KLHL36: variants seen among roughly 807,000 people sequenced by gnomAD.
KLHL36 encodes kelch like family member 36.
Under a neutral mutation model 53.3 loss-of-function variants are expected in KLHL36, and 35 were observed. The ratio of observed to expected loss-of-function variants is 0.66; its 90% CI spans 0.50 to 0.87. The LOEUF is 0.87. Among genes scored for constraint, KLHL36 ranks in the 40% least tolerant of loss-of-function variants. The pLI is 0.00. For missense variants in KLHL36, 864 were observed against 897.6 expected (o/e 0.96, Z 0.48); for synonymous variants, 472 against 398.9 (o/e 1.18, Z -2.18).
rs970650855 is a variant in KLHL36 at position 84,648,732 on chromosome 16, G to C, written c.-17+83G>C. On this transcript the variant is annotated intron_variant, in intron 1 of 4. Coordinates refer to ENST00000564996, the MANE Select transcript of KLHL36 (RefSeq NM_024731.4). This position sits in a 1 kb window ranked among gnomAD's most constrained non-coding sequence, Gnocchi z 4.9. ...CCGGGGCGGGGAGCTGGCGGAGATC[G>C]GGAGGGTCCCCGGCCACCGCGAGCC... The C allele has an allele frequency of 2.7e-5, 4 of 147,856 alleles. No homozygotes were observed. Among genetic ancestry groups the C allele is most frequent in the African/African-American group, 9.8e-5 (4 of 40,948 alleles). The allele number at this position is 147,856 out of a possible 1,614,324, so 9.2% of individuals were successfully genotyped here. A position where few individuals can be genotyped will look rare whatever the true frequency, so the allele number is the denominator to read the frequency against.
chr16:84,659,981 A>G, intron 4 of KLHL36, 64 bp downstream of exon 4: 2 of 1,461,878 alleles, frequency 1.4e-6, no homozygotes, highest in Middle Eastern at 1.8e-4. Flanking sequence ...AGTTCAGTCC[A>G]CGTGCCTCAC....
In KLHL36 at chr16:84,661,902, C is replaced by G. The variant is rs1907577551; in HGVS notation, c.1620C>G (p.Gly540=). ...APLLHANSES[G]VAVWEGRIYI... ...TGCTGCACGCCAACAGCGAGTCGGG[C>G]GTGGCAGTGTGGGAGGGCCGCATCT... Residue 540 remains glycine (G), a synonymous_variant, in exon 5 of 5, where the codon GGC becomes GGG. Coordinates refer to ENST00000564996, the MANE Select transcript of KLHL36 (RefSeq NM_024731.4). The surrounding 1 kb of genome is among the most constrained non-coding windows in gnomAD (Gnocchi z 7.9). 1 of 1,599,352 alleles carries G rather than the reference C, an allele frequency of 6.3e-7. No homozygotes were observed. Among genetic ancestry groups the G allele is most frequent in the African/African-American group, 1.3e-5 (1 of 74,680 alleles).
At chr16:84,653,666 C>A (rs930967587) in intron 2 of KLHL36, among the ~76,000 whole-genome samples, 3 of 152,032 alleles carry the variant, frequency 2.0e-5, no homozygotes, top group African/African-American at 4.8e-5. Context: ...AATGGCAAAA[C>A]CCTGTCTCTA....
rs981025448 is a variant in KLHL36 at position 84,663,520 on chromosome 16, G to A, written c.*1387G>A. ...AGCATGAGCCAAGGAAGGCATGAAT[G>A]AGCTGTACCTCACCCAGCATCCGAT... On this transcript the variant is annotated 3_prime_UTR_variant, in exon 5 of 5. Transcript: ENST00000564996. 2.6e-5 allele frequency: 4 copies of A among 151,910 alleles called. No homozygotes were observed. The highest frequency in any genetic ancestry group is 9.7e-5 in the African/African-American group (4 of 41,334). 9.4% of individuals were successfully genotyped at this position (151,910 alleles called of 1,614,324 possible).
rs12928590 is a variant in KLHL36, at chr16:84,661,884, C to A, written c.1602C>A (p.His534Gln). 3.8e-6 allele frequency: 6 copies of A among 1,599,174 alleles called. No individual in the cohort carries two copies. In the South Asian group the frequency reaches 4.4e-5, roughly 12 times the overall value. ...GGACCCGCGTGGCGCCGCTGCTGCA[C>A]GCCAACAGCGAGTCGGGCGTGGCAG... ...NQWTRVAPLL[H>Q]ANSESGVAVW... The change falls in exon 5 of 5, where the codon CAC (histidine) becomes CAA (glutamine). Residue 534 changes from histidine (H) to glutamine (Q), a missense_variant. Physicochemically the swap from His to Gln is conservative, Grantham distance 24. Coordinates refer to ENST00000564996, the MANE Select transcript of KLHL36 (RefSeq NM_024731.4). This position sits in a 1 kb window ranked among gnomAD's most constrained non-coding sequence, Gnocchi z 7.9.
At chr16:84,649,122 C>T (rs906284988) in intron 1 of KLHL36, 3 of 152,394 alleles carry the variant, frequency 2.0e-5, no homozygotes, top group African/African-American at 7.2e-5. Flanking sequence ...CGGACGGGGC[C>T]TGCGGTCCCA....
At position 84,667,074 on chromosome 16, in the gene KLHL36, A is replaced by AAAAGAAAAG. The variant is rs1907882883; in HGVS notation, c.*4945_*4953dup. 2 of 72,642 alleles carry AAAAGAAAAG rather than the reference A, an allele frequency of 2.8e-5. No individual in the cohort carries two copies. The highest frequency in any genetic ancestry group is 5.7e-4 in the South Asian group (1 of 1,742). 4.5% of individuals were successfully genotyped at this position (72,642 alleles called of 1,614,324 possible). ...AAGACTGTCTCAAAAAAAAAAAAAA[A>AAAAGAAAAG]AAAGAAAAGAAATTGTCCTTTGGTT... On this transcript the variant is annotated 3_prime_UTR_variant, in exon 5 of 5. Transcript: ENST00000564996.
In KLHL36 at chr16:84,657,278, C is replaced by T. The variant is rs12921630; in HGVS notation, c.471C>T (p.Ile157=). 6.2e-7 allele frequency: 1 copy of T among 1,614,114 alleles called. No homozygotes were observed. ...TGTACCTGCAGGAGCTGGCCTCCAT[C>T]TACAGCCTCAAGCGGCTTGATGCCT... ...NYLYLQELAS[I]YSLKRLDAFI... Residue 157 remains isoleucine (I), a synonymous_variant, in exon 3 of 5, where the codon ATC becomes ATT. Transcript: ENST00000564996.
Position 84,661,698 on chromosome 16 carries a change from G to C in KLHL36, c.1416G>C (p.Val472=). Residue 472 remains valine (V), a synonymous_variant, in exon 5 of 5, where the codon GTG becomes GTC. Coordinates refer to ENST00000564996, the MANE Select transcript of KLHL36 (RefSeq NM_024731.4). This position sits in a 1 kb window ranked among gnomAD's most constrained non-coding sequence, Gnocchi z 7.9. The part of the protein sequence containing the change: ...NLLCYDHRTD[V]WEERRPMTTA... Reference sequence around the variant, plus strand: ...TATGCTACGACCACCGGACAGACGTGTGGGAGGAGCGGCGGCCCATGACCA... The same window carrying C: ...TATGCTACGACCACCGGACAGACGTCTGGGAGGAGCGGCGGCCCATGACCA... 2.5e-6 allele frequency: 4 copies of C among 1,613,726 alleles called. No homozygotes were observed. Among genetic ancestry groups the C allele is most frequent in the Non-Finnish European group, 3.4e-6 (4 of 1,180,018 alleles).
At chr16:84,655,881 C>A (rs186453171) in intron 2 of KLHL36, among the ~76,000 whole-genome samples, 1 of 151,928 alleles carries the variant, frequency 6.6e-6, no homozygotes, top group Non-Finnish European at 1.5e-5. Context: ...CTGTTTCTCC[C>A]TATGTTGAAT....
At position 84,662,971 on chromosome 16, in the gene KLHL36, A is replaced by G. The variant is rs968698320; in HGVS notation, c.*838A>G. 2 of 150,750 alleles carry G rather than the reference A, an allele frequency of 1.3e-5. No homozygotes were observed. Among genetic ancestry groups the G allele is most frequent in the Admixed American group, 6.6e-5 (1 of 15,160 alleles). The allele number at this position is 150,750 out of a possible 1,614,324, so 9.3% of individuals were successfully genotyped here. ...TTTTTTTCCTTTTTTTTTTTTCTGA[A>G]CCCACTGTCTTTTATATTACTGATG... On this transcript the variant is annotated 3_prime_UTR_variant, in exon 5 of 5. Transcript: ENST00000564996.
rs1418411923 is a variant in KLHL36 at position 84,665,733 on chromosome 16, G to A, written c.*3600G>A. ...AGGGGAAGTGGGGTCCATCCTCTGA[G>A]GTCCAGGGGCCTACTTTGTGAGCTC... On this transcript the variant is annotated 3_prime_UTR_variant, in exon 5 of 5. Transcript: ENST00000564996. The A allele has an allele frequency of 6.6e-6, 1 of 152,242 alleles. No homozygotes were observed. Among genetic ancestry groups the A allele is most frequent in the African/African-American group, 2.4e-5 (1 of 41,458 alleles). 9.4% of individuals were successfully genotyped at this position (152,242 alleles called of 1,614,324 possible).
chr16:84,662,884 A>T lies in KLHL36; in HGVS notation c.*751A>T, dbSNP rs867942392. 6.6e-6 allele frequency: 1 copy of T among 152,144 alleles called. No individual in the cohort carries two copies. The highest frequency in any genetic ancestry group is 2.4e-5 in the African/African-American group (1 of 41,434). 9.4% of individuals were successfully genotyped at this position (152,144 alleles called of 1,614,324 possible). Reference sequence around the variant, plus strand: ...ACCTTCTTGAATTCTAAAACGTTACAGGTAACCAAAAACGAAAAAAGGTAT... The same window carrying T: ...ACCTTCTTGAATTCTAAAACGTTACTGGTAACCAAAAACGAAAAAAGGTAT... On this transcript the variant is annotated 3_prime_UTR_variant, in exon 5 of 5. Transcript: ENST00000564996.
chr16:84,656,020 G>A (rs1907179235), intron 2 of KLHL36, among the ~76,000 whole-genome samples: 1 of 151,916 alleles, frequency 6.6e-6, no homozygotes, highest in South Asian at 2.1e-4. Context: ...AGCCTCCTGA[G>A]CAGCTGGGAC....
chr16:84,652,685 G>A (rs1382992010), intron 2 of KLHL36, among the ~76,000 whole-genome samples: 1 of 152,228 alleles, frequency 6.6e-6, no homozygotes, highest in African/African-American at 2.4e-5. Context: ...CCTCCCAGTT[G>A]TTACACTCAA....
At chr16:84,652,676 C>T (rs1389332357) in intron 2 of KLHL36, among the ~76,000 whole-genome samples, 1 of 152,254 alleles carries the variant, frequency 6.6e-6, no homozygotes, top group Non-Finnish European at 1.5e-5. Context: ...CTACCAAACC[C>T]TCCCAGTTGT....
In KLHL36 at chr16:84,661,946, G is replaced by C. The variant is rs369120320; in HGVS notation, c.1664G>C (p.Ser555Thr). The change falls in exon 5 of 5, where the codon AGC becomes ACC. Residue 555 changes from serine (S) to threonine (T), a missense_variant. Ser to Thr is a moderately conservative substitution (Grantham distance 58). Coordinates refer to ENST00000564996, the MANE Select transcript of KLHL36 (RefSeq NM_024731.4). This position sits in a 1 kb window ranked among gnomAD's most constrained non-coding sequence, Gnocchi z 7.9. The part of the protein sequence containing the change: ...EGRIYILGGY[S>T]WENTAFSKTV... ...CGCATCTACATCCTGGGCGGCTACA[G>C]CTGGGAGAACACTGCCTTCTCCAAG... 5 of 1,600,432 alleles carry C rather than the reference G, an allele frequency of 3.1e-6. No homozygotes were observed. In the African/African-American group the frequency reaches 4.0e-5, roughly 13 times the overall value.
At chr16:84,652,325 C>A (rs977498498) in intron 2 of KLHL36, among the ~76,000 whole-genome samples, 1 of 151,520 alleles carries the variant, frequency 6.6e-6, no homozygotes, top group Non-Finnish European at 1.5e-5. Context: ...GGTTGGAGTA[C>A]AGTGGTGCGA....
chr16:84,648,532 G>A lies in KLHL36; in HGVS notation c.-134G>A, dbSNP rs961104472. 1 of 147,250 alleles carries A rather than the reference G, an allele frequency of 6.8e-6. No individual in the cohort carries two copies. The highest frequency in any genetic ancestry group is 2.5e-5 in the African/African-American group (1 of 40,722). The allele number at this position is 147,250 out of a possible 1,614,324, so 9.1% of individuals were successfully genotyped here. ...CGCCCTCGGCCTCGCACTTCCTGGC[G>A]GAGCCATGGCTGCGCAGCGGGCTGG... On this transcript the variant is annotated 5_prime_UTR_variant, in exon 1 of 5. Coordinates refer to ENST00000564996, the MANE Select transcript of KLHL36 (RefSeq NM_024731.4). This position sits in a 1 kb window ranked among gnomAD's most constrained non-coding sequence, Gnocchi z 4.9.
Sources: allele counts gnomAD v4.1 joint callset (sites outside exome capture counted in the v4.1 genomes callset), GRCh38; gene constraint gnomAD v4.1.1; non-coding constraint Gnocchi (gnomAD v3.1); transcripts MANE v1.5; gene names NCBI Gene and HGNC (gene_info 2026-07-23, HGNC 2026-07-21).